The following NBAS variants were observed in gnomAD, a reference collection of about 807,000 sequenced individuals.
The protein encoded by NBAS is NBAS subunit of NRZ tethering complex.
NBAS carries 219 observed loss-of-function variants against 302.5 expected under a neutral mutation model. The ratio of observed to expected loss-of-function variants is 0.72; its 90% CI spans 0.65 to 0.81. The LOEUF (loss-of-function observed/expected upper bound fraction) is 0.81, where lower values mean the gene tolerates loss of function less well. Ranked by LOEUF, NBAS falls within the 30% of genes least tolerant of loss-of-function variation. NBAS has a pLI of 0.00. For synonymous variants in NBAS, 1,118 were observed against 1,021.6 expected, an observed-to-expected ratio of 1.09 and a Z score of -1.80; for missense variants, 2,932 against 2,841.6, an observed-to-expected ratio of 1.03 and a Z score of -0.72.
the NBAS span, among the ~76,000 whole-genome samples, chr2:15,150,622 C>T: frequency 6.6e-6 from 1 of 152,196 alleles, no homozygotes; most frequent in East Asian, 1.9e-4. Context: ...TCTCTGTCAT[C>T]ATGAAAACTT....
chr2:15,277,082 C>T lies in NBAS; in HGVS notation c.5158G>A (p.Glu1720Lys). The change falls in exon 43 of 52, where the codon GAA becomes AAA. Residue 1720 changes from glutamate (E) to lysine (K), a missense_variant. By Grantham distance (56) the Glu-to-Lys change is moderately conservative. Transcript: ENST00000281513. ...TDSGLSTLEI[E>K]NRAQDLHLFE... ...AGATGAAGGTCTTGGGCTCTATTTT[C>T]AATTTCTAGTGTGGACAAACTGAAA... The T allele has an allele frequency of 1.2e-6, 2 of 1,613,684 alleles. No individual in the cohort carries two copies. Among genetic ancestry groups the T allele is most frequent in the Admixed American group, 3.3e-5 (2 of 59,952 alleles).
At chr2:14,874,250 A>C in the NBAS span, among the ~76,000 whole-genome samples, 1 of 152,188 alleles carries the variant, frequency 6.6e-6, no homozygotes, top group South Asian at 2.1e-4. Context: ...GTAATTCTAC[A>C]TATGTTTTTC....
intron 44 of NBAS, among the ~76,000 whole-genome samples, chr2:15,273,369 C>T (rs1211275388): frequency 2.0e-5 from 3 of 152,218 alleles, no homozygotes; most frequent in Admixed American, 6.5e-5. Flanking sequence ...CATGCTGCTC[C>T]TACTGGGCTA....
chr2:14,811,119 G>C, the NBAS span, among the ~76,000 whole-genome samples: 1 of 152,268 alleles, frequency 6.6e-6, no homozygotes, highest in African/African-American at 2.4e-5. Flanking sequence ...AAAAGAATAA[G>C]GTTTTAGGCC....
intron 30 of NBAS, among the ~76,000 whole-genome samples, chr2:15,376,856 G>A (rs747703790): frequency 1.1e-4 from 16 of 152,100 alleles, no homozygotes; most frequent in Non-Finnish European, 2.1e-4. Context: ...TCAGTGAGGT[G>A]CCAGGTTACA....
At chr2:15,135,802 C>G in the NBAS span, among the ~76,000 whole-genome samples, 1 of 148,536 alleles carries the variant, frequency 6.7e-6, no homozygotes, top group East Asian at 2.0e-4. Flanking sequence ...CCCTGGGACA[C>G]ACTGGAAAAA....
At chr2:15,150,311 C>T in the NBAS span, among the ~76,000 whole-genome samples, 4 of 152,224 alleles carry the variant, frequency 2.6e-5, no homozygotes, top group African/African-American at 9.6e-5. Flanking sequence ...AATTGCTAAC[C>T]TAACATCAAG....
chr2:15,486,005 CAG>C (rs1680612411), intron 12 of NBAS, among the ~76,000 whole-genome samples: 3 of 152,162 alleles, frequency 2.0e-5, no homozygotes, highest in Admixed American at 2.0e-4. Flanking sequence ...TCTCAGAGGG[CAG>C]AGTCTGCCCT....
At chr2:15,193,371 AC>A (rs1665456018) in intron 48 of NBAS, among the ~76,000 whole-genome samples, 1 of 152,180 alleles carries the variant, frequency 6.6e-6, no homozygotes, top group Non-Finnish European at 1.5e-5. Flanking sequence ...TAAATTTGCT[AC>A]CACTGTAGCT....
the NBAS span, among the ~76,000 whole-genome samples, chr2:15,101,597 G>C: frequency 1.1e-4 from 16 of 152,054 alleles, no homozygotes; most frequent in African/African-American, 3.9e-4. Context: ...GGGCAGGTGT[G>C]AGCTTATTGA....
At chr2:15,394,155 C>A in intron 28 of NBAS, 72 bp downstream of exon 28, 2 of 1,469,542 alleles carry the variant, frequency 1.4e-6, no homozygotes, top group South Asian at 2.6e-5. Flanking sequence ...ATGAGGTTGT[C>A]AGAAAAAGAG....
At chr2:15,560,921 A>T (rs1049986234) in intron 1 of NBAS, among the ~76,000 whole-genome samples, 3 of 152,110 alleles carry the variant, frequency 2.0e-5, no homozygotes, top group Non-Finnish European at 2.9e-5. Flanking sequence ...ACTGAGAACC[A>T]AAGTGGGATC....
chr2:15,008,637 G>A, the NBAS span, among the ~76,000 whole-genome samples: 1 of 152,074 alleles, frequency 6.6e-6, no homozygotes, highest in African/African-American at 2.4e-5. Context: ...TTGCTTACCT[G>A]TGTACCATGA....
the NBAS span, among the ~76,000 whole-genome samples, chr2:14,926,127 A>G: frequency 6.6e-6 from 1 of 152,162 alleles, no homozygotes; most frequent in Non-Finnish European, 1.5e-5. Context: ...ATTTCTAGAA[A>G]AGGTGTGATA....
At chr2:15,326,906 TA>T (rs1219460664) in intron 38 of NBAS, among the ~76,000 whole-genome samples, 2 of 152,096 alleles carry the variant, frequency 1.3e-5, no homozygotes, top group Non-Finnish European at 2.9e-5. Context: ...ACATCTAAAA[TA>T]AGCTATAGTA....
chr2:14,797,423 A>T, the NBAS span, among the ~76,000 whole-genome samples: 1 of 152,194 alleles, frequency 6.6e-6, no homozygotes. Context: ...TGGTGGGGCT[A>T]GGCCAGCCCA....
the NBAS span, among the ~76,000 whole-genome samples, chr2:15,015,690 TA>T: frequency 6.6e-6 from 1 of 152,186 alleles, no homozygotes; most frequent in Non-Finnish European, 1.5e-5. Context: ...TCATGCTTGA[TA>T]GGGAAAAGCT....
chr2:15,472,255 ATGGCT>A (rs1679991644), intron 16 of NBAS, among the ~76,000 whole-genome samples: 1 of 152,008 alleles, frequency 6.6e-6, no homozygotes, highest in African/African-American at 2.4e-5. Context: ...TCTTGCTCCT[ATGGCT>A]TGGCCACCAA....
At chr2:15,491,386 C>T (rs1680847006) in intron 11 of NBAS, among the ~76,000 whole-genome samples, 1 of 152,348 alleles carries the variant, frequency 6.6e-6, no homozygotes, top group South Asian at 2.1e-4. Flanking sequence ...TTAAATCATA[C>T]TTATCCAACC....
Sources: allele counts gnomAD v4.1 joint callset (sites outside exome capture counted in the v4.1 genomes callset), GRCh38; gene constraint gnomAD v4.1.1; transcripts MANE v1.5; gene names NCBI Gene and HGNC (gene_info 2026-07-23, HGNC 2026-07-21).